The following DOK5 variants were observed in gnomAD, a reference collection of about 807,000 sequenced individuals.
DOK5 encodes docking protein 5, also known as downstream of tyrosine kinase 5.
Under a neutral mutation model 43.3 loss-of-function variants are expected in DOK5, and 27 were observed. That is an observed-to-expected ratio of 0.62 (90% CI 0.46 to 0.86). DOK5 has a LOEUF of 0.86. Ranked by LOEUF, DOK5 falls within the 40% of genes least tolerant of loss-of-function variation. The probability of loss-of-function intolerance (pLI) is 0.00; values close to 1 mark genes in which losing one functional copy is unlikely to be tolerated. For missense variants in DOK5, 373 were observed against 392.9 expected (o/e 0.95, Z 0.43); for synonymous variants, 146 against 140.1 (o/e 1.04, Z -0.30).
chr20:54,617,393 C>A (rs1986848140), intron 6 of DOK5, among the ~76,000 whole-genome samples: 1 of 151,998 alleles, frequency 6.6e-6, no homozygotes, highest in African/African-American at 2.4e-5. Flanking sequence ...TGCAGTGGTG[C>A]AATCACAGCT....
chr20:54,613,904 G>T (rs955182349), intron 6 of DOK5, among the ~76,000 whole-genome samples: 1 of 151,960 alleles, frequency 6.6e-6, no homozygotes, highest in African/African-American at 2.4e-5. Flanking sequence ...TGAGGCAGGA[G>T]GATACTTTGG....
At chr20:54,492,359 CT>C (rs2146669402) in intron 1 of DOK5, among the ~76,000 whole-genome samples, 1 of 152,170 alleles carries the variant, frequency 6.6e-6, no homozygotes, top group East Asian at 1.9e-4. Context: ...TACTTTGTCC[CT>C]TTTAACGTAT....
intron 1 of DOK5, among the ~76,000 whole-genome samples, chr20:54,521,452 A>G (rs1568765382): frequency 6.6e-6 from 1 of 152,154 alleles, no homozygotes; most frequent in Non-Finnish European, 1.5e-5. Flanking sequence ...ATTCACTAGA[A>G]CAACTCACAG....
Position 54,512,744 on chromosome 20 carries a change from G to A in DOK5, c.66+36732G>A, listed in dbSNP as rs142707456. 2.6e-4 allele frequency among the ~76,000 whole-genome samples: 40 copies of A among 152,234 alleles called. No homozygotes were observed. The East Asian group carries it at 7.1e-3, about 27-fold the overall frequency. On this transcript the variant is annotated intron_variant, in intron 1 of 7. Transcript: ENST00000262593. ...ATTTCAATGGTGTATATTAGTCTTC[G>A]GCCTCAGTCACTACATAGCTGCTGT...
At chr20:54,640,037 A>G (rs929028551) in intron 6 of DOK5, among the ~76,000 whole-genome samples, 6 of 152,172 alleles carry the variant, frequency 3.9e-5, no homozygotes, top group African/African-American at 1.4e-4. Flanking sequence ...CTCCCGTCTC[A>G]GGACACACTC....
chr20:54,601,731 T>C (rs1261515580), intron 5 of DOK5, among the ~76,000 whole-genome samples: 1 of 152,194 alleles, frequency 6.6e-6, no homozygotes, highest in Admixed American at 6.5e-5. Flanking sequence ...ACTGGGGCCT[T>C]TCTCTTCACC....
chr20:54,608,596 C>A (rs1248500373), intron 5 of DOK5, among the ~76,000 whole-genome samples: 1 of 152,064 alleles, frequency 6.6e-6, no homozygotes, highest in Admixed American at 6.5e-5. Context: ...ACATGATCAA[C>A]CTCATGAGCT....
intron 6 of DOK5, among the ~76,000 whole-genome samples, chr20:54,634,925 A>G (rs1285807869): frequency 2.6e-5 from 4 of 152,024 alleles, no homozygotes; most frequent in Non-Finnish European, 5.9e-5. Context: ...CTAAGAAGAA[A>G]CCCCACCTCC....
intron 6 of DOK5, among the ~76,000 whole-genome samples, chr20:54,615,354 G>T (rs1328563596): frequency 6.6e-6 from 1 of 152,194 alleles, no homozygotes; most frequent in African/African-American, 2.4e-5. Flanking sequence ...CAAGGCAAAA[G>T]GGACTTTGCA....
At chr20:54,520,373 T>C (rs1436490140) in intron 1 of DOK5, among the ~76,000 whole-genome samples, 1 of 152,164 alleles carries the variant, frequency 6.6e-6, no homozygotes, top group African/African-American at 2.4e-5. Context: ...TCATATATAA[T>C]CACCTGGGCT....
intron 6 of DOK5, among the ~76,000 whole-genome samples, chr20:54,638,468 G>A (rs532445066): frequency 1.3e-5 from 2 of 152,250 alleles, no homozygotes; most frequent in Admixed American, 1.3e-4. Flanking sequence ...CAAGATCAGA[G>A]CCCCCCAATC....
chr20:54,509,024 A>G (rs536659903), intron 1 of DOK5, among the ~76,000 whole-genome samples: 1 of 150,740 alleles, frequency 6.6e-6, no homozygotes, highest in Non-Finnish European at 1.5e-5. Flanking sequence ...TTACAGGCAC[A>G]CGCCACCCCA....
At chr20:54,623,057 A>C (rs1050970188) in intron 6 of DOK5, among the ~76,000 whole-genome samples, 5 of 152,166 alleles carry the variant, frequency 3.3e-5, no homozygotes, top group Non-Finnish European at 7.3e-5. Flanking sequence ...CCTGGGGAAC[A>C]TACATAAACA....
chr20:54,496,757 C>T (rs1378373481), intron 1 of DOK5, among the ~76,000 whole-genome samples: 1 of 136,188 alleles, frequency 7.3e-6, no homozygotes, highest in African/African-American at 2.9e-5. Flanking sequence ...CAGAGCAAGA[C>T]TCCGTCTCAA....
chr20:54,537,498 A>G (rs1983996481), intron 1 of DOK5, among the ~76,000 whole-genome samples: 2 of 152,196 alleles, frequency 1.3e-5, no homozygotes, highest in African/African-American at 4.8e-5. Context: ...TTCTCAAGAG[A>G]AATGAGATAG....
chr20:54,480,346 C>T (rs1303382728), intron 1 of DOK5, among the ~76,000 whole-genome samples: 2 of 152,202 alleles, frequency 1.3e-5, no homozygotes, highest in African/African-American at 4.8e-5. Flanking sequence ...CCAAAACCCA[C>T]CAAAACCAAG....
At chr20:54,625,509 TC>T (rs761343880) in intron 6 of DOK5, among the ~76,000 whole-genome samples, 1 of 152,220 alleles carries the variant, frequency 6.6e-6, no homozygotes, top group Non-Finnish European at 1.5e-5. Context: ...CTCAGTACTT[TC>T]TATGAGAAAT....
At chr20:54,517,190 CCTT>C (rs1555826299) in intron 1 of DOK5, among the ~76,000 whole-genome samples, 1 of 152,144 alleles carries the variant, frequency 6.6e-6, no homozygotes, top group Non-Finnish European at 1.5e-5. Flanking sequence ...AGTTCTAACC[CCTT>C]CTTGTCTCTT....
At chr20:54,615,778 C>A (rs748561250) in intron 6 of DOK5, among the ~76,000 whole-genome samples, 3 of 151,942 alleles carry the variant, frequency 2.0e-5, no homozygotes, top group Non-Finnish European at 4.4e-5. Context: ...GGCGTGGTGG[C>A]GTGTGCCTGT....
Sources: gnomAD v4.1 joint callset for allele counts (sites outside exome capture counted in the v4.1 genomes callset) on GRCh38, gnomAD v4.1.1 for gene constraint, MANE v1.5 for transcripts, NCBI Gene and HGNC (gene_info 2026-07-23, HGNC 2026-07-21) for gene names.